The following NBAS variants were observed in gnomAD, a reference collection of about 807,000 sequenced individuals.
The protein encoded by NBAS is NBAS subunit of NRZ tethering complex, also known as NAG/BC035112 fusion.
NBAS carries 219 observed loss-of-function variants against 302.5 expected under a neutral mutation model. The ratio of observed to expected loss-of-function variants is 0.72; its 90% CI spans 0.65 to 0.81. NBAS has a LOEUF of 0.81. Among genes scored for constraint, NBAS ranks in the 30% least tolerant of loss-of-function variants. NBAS has a pLI of 0.00. For missense variants in NBAS, 2,932 were observed against 2,841.6 expected (o/e 1.03, Z -0.72); for synonymous variants, 1,118 against 1,021.6 (o/e 1.09, Z -1.80).
At chr2:15,535,672 T>G (rs1199752228) in intron 8 of NBAS, among the ~76,000 whole-genome samples, 1 of 152,112 alleles carries the variant, frequency 6.6e-6, no homozygotes, top group Non-Finnish European at 1.5e-5. Flanking sequence ...CAATACAATA[T>G]AAATGCTATG....
At position 15,217,612 on chromosome 2, in the gene NBAS, T is replaced by C. The variant is rs561176665; in HGVS notation, c.6432+1161A>G. On this transcript the variant is annotated intron_variant, in intron 48 of 51. Transcript: ENST00000281513. ...GGGAAGTCCTAATTTGTAACACTTA[T>C]TGACATGATGGTCTAACCCTGCGTG... 3.5e-4 allele frequency among the ~76,000 whole-genome samples: 53 copies of C among 152,376 alleles called. No individual in the cohort carries two copies. The South Asian group carries it at 9.7e-3, about 28-fold the overall frequency.
intron 3 of NBAS, among the ~76,000 whole-genome samples, chr2:15,555,029 A>G (rs1664584096): frequency 6.6e-6 from 1 of 152,156 alleles, no homozygotes; most frequent in Non-Finnish European, 1.5e-5. Flanking sequence ...AGAATAAAGA[A>G]CATAATTTCA....
chr2:15,521,429 G>A (rs185698087), intron 9 of NBAS, among the ~76,000 whole-genome samples: 1 of 152,186 alleles, frequency 6.6e-6, no homozygotes, highest in Admixed American at 6.5e-5. Context: ...CCAAAGTCAG[G>A]CTTTCATTTA....
chr2:15,492,649 C>T lies in NBAS; in HGVS notation c.955-3627G>A, dbSNP rs184714258. 1.5e-3 allele frequency among the ~76,000 whole-genome samples: 224 copies of T among 152,074 alleles called. 1 individual carries two copies. The highest frequency in any genetic ancestry group is 1.2e-3 in the South Asian group (6 of 4,810). ...CTTTTGTATTTTTTGTAGAGGGTCA[C>T]GGGGGTTCATCATGTTGCCCATGCT... On this transcript the variant is annotated intron_variant, in intron 11 of 51. Transcript: ENST00000281513.
the NBAS span, among the ~76,000 whole-genome samples, chr2:14,976,429 T>C: frequency 6.6e-6 from 1 of 152,188 alleles, no homozygotes; most frequent in Non-Finnish European, 1.5e-5. Context: ...AGAATATTTC[T>C]GAGAGACATA....
chr2:14,956,717 C>T, the NBAS span, among the ~76,000 whole-genome samples: 1 of 152,122 alleles, frequency 6.6e-6, no homozygotes, highest in Admixed American at 6.5e-5. Flanking sequence ...CTCATGCGAA[C>T]TCACTCACTA....
chr2:15,543,828 G>A (rs566233468), intron 6 of NBAS, among the ~76,000 whole-genome samples: 3 of 152,264 alleles, frequency 2.0e-5, no homozygotes, highest in East Asian at 1.9e-4. Context: ...GAGCCAAATC[G>A]TATCATTTGT....
chr2:14,886,114 A>C, the NBAS span, among the ~76,000 whole-genome samples: 1 of 152,108 alleles, frequency 6.6e-6, no homozygotes, highest in Non-Finnish European at 1.5e-5. Flanking sequence ...CTAATATCAC[A>C]CGCTTGGCTC....
chr2:14,779,744 C>G, the NBAS span, among the ~76,000 whole-genome samples: 2 of 152,196 alleles, frequency 1.3e-5, no homozygotes, highest in Non-Finnish European at 2.9e-5. Flanking sequence ...TTTGTTGTCT[C>G]ACTCCCAATT....
intron 21 of NBAS, among the ~76,000 whole-genome samples, chr2:15,448,127 G>A (rs1363121105): frequency 6.6e-6 from 1 of 152,174 alleles, no homozygotes; most frequent in Non-Finnish European, 1.5e-5. Context: ...GTTTCAACAT[G>A]AATTTTGGAG....
At chr2:14,992,598 A>G in the NBAS span, among the ~76,000 whole-genome samples, 6 of 152,218 alleles carry the variant, frequency 3.9e-5, no homozygotes, top group African/African-American at 1.2e-4. Flanking sequence ...TGCCCCTAGC[A>G]AGAAGTGTCC....
chr2:15,045,404 T>G, the NBAS span, among the ~76,000 whole-genome samples: 3 of 152,206 alleles, frequency 2.0e-5, no homozygotes, highest in East Asian at 3.8e-4. Context: ...CATGGTGCAG[T>G]TGGAGTGGCC....
chr2:14,804,420 G>A, the NBAS span, among the ~76,000 whole-genome samples: 1 of 152,090 alleles, frequency 6.6e-6, no homozygotes, highest in Non-Finnish European at 1.5e-5. Flanking sequence ...TTTCCTTTAG[G>A]CATGAGTTTT....
the NBAS span, among the ~76,000 whole-genome samples, chr2:15,068,634 A>C: frequency 2.6e-5 from 4 of 152,214 alleles, no homozygotes; most frequent in Non-Finnish European, 4.4e-5. Context: ...ATGTAGCAGC[A>C]GTAGTTAATA....
In NBAS at chr2:15,232,469, C is replaced by A; in HGVS notation, c.6189G>T (p.Lys2063Asn). 1.9e-6 allele frequency: 3 copies of A among 1,614,076 alleles called. No homozygotes were observed. The highest frequency in any genetic ancestry group is 2.5e-6 in the Non-Finnish European group (3 of 1,180,020). Residue 2063 changes from lysine (K) to asparagine (N), a missense_variant, in exon 47 of 52, where the codon AAG becomes AAT. Transcript: ENST00000281513. The part of the protein sequence containing the change: ...ADLGGPRDPL[K>N]VLEGVVAAVH... ...CTGCTGCAACAACACCTTCCAGGAC[C>A]TTCAGTGGGTCCCTTGGCCCACCAA...
At chr2:15,551,382 C>A in intron 6 of NBAS, 111 bp downstream of exon 6, 10 of 617,170 alleles carry the variant, frequency 1.6e-5, no homozygotes, top group Admixed American at 3.5e-5. Flanking sequence ...TTTTAATAGT[C>A]ATGATAATCC....
chr2:14,798,821 T>G, the NBAS span, among the ~76,000 whole-genome samples: 1 of 152,048 alleles, frequency 6.6e-6, no homozygotes, highest in Non-Finnish European at 1.5e-5. Context: ...CTCAAATTAC[T>G]GTCTACTTAG....
chr2:15,307,005 G>A (rs1671061630), intron 40 of NBAS, among the ~76,000 whole-genome samples: 1 of 152,178 alleles, frequency 6.6e-6, no homozygotes, highest in Non-Finnish European at 1.5e-5. Context: ...AGTGAGAAGG[G>A]ACCAGGCAGA....
rs138985693 is a variant in NBAS, at chr2:15,187,285, T to C, written c.6573-405A>G. On this transcript the variant is annotated intron_variant, in intron 49 of 51. Transcript: ENST00000281513. Reference sequence around the variant, plus strand: ...TAATGACTTTTTTTTCCTTGAAGAGTTGCCTTAATGAATGATGTATGTAAT... The same window carrying C: ...TAATGACTTTTTTTTCCTTGAAGAGCTGCCTTAATGAATGATGTATGTAAT... Among the ~76,000 whole-genome samples, 803 of 152,234 alleles carry C rather than the reference T, an allele frequency of 5.3e-3. 3 individuals carry two copies. Among genetic ancestry groups the C allele is most frequent in the African/African-American group, 0.017 (688 of 41,536 alleles).
Sources: gnomAD v4.1 joint callset for allele counts (sites outside exome capture counted in the v4.1 genomes callset) on GRCh38, gnomAD v4.1.1 for gene constraint, MANE v1.5 for transcripts, NCBI Gene and HGNC (gene_info 2026-07-23, HGNC 2026-07-21) for gene names.